The following UGT1A7 variants were observed in gnomAD, a reference collection of about 807,000 sequenced individuals.
UGT1A7 encodes the protein UDP glucuronosyltransferase family 1 member A7, also known as UDP-glucuronosyltransferase 1A7.
In UGT1A7, 33 loss-of-function variants were observed where a neutral mutation model predicts 45.6. The ratio of observed to expected loss-of-function variants is 0.72; its 90% confidence interval spans 0.55 to 0.97. The LOEUF (loss-of-function observed/expected upper bound fraction) is 0.97. Ranked by LOEUF, UGT1A7 falls within the 50% of genes least tolerant of loss-of-function variation. The probability of loss-of-function intolerance (pLI) is 0.00; values close to 1 mark genes in which losing one functional copy is unlikely to be tolerated. For synonymous variants in UGT1A7, 274 were observed against 250.6 expected (o/e 1.09, Z -0.88); for missense variants, 684 against 666.2 (o/e 1.03, Z -0.29).
At chr2:233,752,418 C>G (rs969012523) in intron 1 of UGT1A7, 2 of 152,110 alleles carry the variant, frequency 1.3e-5, no homozygotes, top group African/African-American at 2.4e-5. Context: ...TTCTGAAAAC[C>G]TGATTTATCG....
chr2:233,729,959 G>A (rs1416622482), intron 1 of UGT1A7: 13 of 1,613,900 alleles, frequency 8.1e-6, no homozygotes, highest in East Asian at 2.2e-5. Flanking sequence ...TTCATTGGGG[G>A]CATCAACTGT....
Position 233,772,442 on chromosome 2 carries a change from C to T in UGT1A7, c.1476C>T (p.Leu492=), listed in dbSNP as rs1249728637. The T allele has an allele frequency of 1.2e-6, 2 of 1,614,208 alleles. No individual in the cohort carries two copies. Among genetic ancestry groups the T allele is most frequent in the Admixed American group, 3.3e-5 (2 of 60,020 alleles). ...ATTCCTTGGACGTGATTGGTTTCCTCTTGGCCGTCGTGCTGACAGTGGCCT... is the reference window on the plus strand; with the variant it reads ...ATTCCTTGGACGTGATTGGTTTCCTTTTGGCCGTCGTGCTGACAGTGGCCT... ...QYHSLDVIGF[L]LAVVLTVAFI... Residue 492 remains leucine, a synonymous_variant, in exon 5 of 5, where the codon CTC becomes CTT. Coordinates refer to ENST00000373426, the MANE Select transcript of UGT1A7 (RefSeq NM_019077.3).
intron 1 of UGT1A7, chr2:233,690,424 A>G: frequency 4.8e-6 from 6 of 1,244,126 alleles, no homozygotes; most frequent in Non-Finnish European, 6.3e-6. Flanking sequence ...ACCTTCATGC[A>G]CATCTTTGGG....
At chr2:233,722,463 G>A (rs1258292673) in intron 1 of UGT1A7, among the ~76,000 whole-genome samples, 2 of 152,154 alleles carry the variant, frequency 1.3e-5, no homozygotes, top group Admixed American at 6.5e-5. Flanking sequence ...AATAACTGTG[G>A]AATTTGTATA....
At chr2:233,746,173 T>C (rs1289105015) in intron 1 of UGT1A7, among the ~76,000 whole-genome samples, 1 of 151,822 alleles carries the variant, frequency 6.6e-6, no homozygotes, top group Non-Finnish European at 1.5e-5. Context: ...AAATCTTGCC[T>C]GTAAGGAATA....
chr2:233,706,368 A>G (rs970049717), intron 1 of UGT1A7, among the ~76,000 whole-genome samples: 7 of 152,312 alleles, frequency 4.6e-5, no homozygotes, highest in Middle Eastern at 3.4e-3. Context: ...AATTTAGGCC[A>G]TTGTACAAAA....
chr2:233,751,386 C>T (rs1694713563), intron 1 of UGT1A7, among the ~76,000 whole-genome samples: 1 of 152,086 alleles, frequency 6.6e-6, no homozygotes, highest in African/African-American at 2.4e-5. Flanking sequence ...TGCCTTGTCT[C>T]AGATAAGACT....
At position 233,747,349 on chromosome 2, in the gene UGT1A7, A is replaced by C. The variant is rs546536456; in HGVS notation, c.856-19685A>C. ...TGGCAGCCACTGGCTCGCATGCGGG[A>C]GGCCGTGCGGGAGCTCCATGCCAGA... On this transcript the variant is annotated intron_variant, in intron 1 of 4. Transcript: ENST00000373426. The C allele has an allele frequency of 4.2e-5, 68 of 1,603,008 alleles. 1 individual carries two copies. The South Asian group carries it at 6.8e-4, about 16-fold the overall frequency.
At position 233,713,557 on chromosome 2, in the gene UGT1A7, A is replaced by G. The variant is rs1233820517; in HGVS notation, c.855+30765A>G. 4 of 1,613,816 alleles carry G rather than the reference A, an allele frequency of 2.5e-6. No individual in the cohort carries two copies. The highest frequency in any genetic ancestry group is 2.2e-5 in the East Asian group (1 of 44,890). ...GACTTTAAGGGCACACAGTGTCCAA[A>G]CCCTTCCTCCTATATTCCTAGATTA... On this transcript the variant is annotated intron_variant, in intron 1 of 4. Transcript: ENST00000373426.
At chr2:233,710,997 T>C (rs1288211350) in intron 1 of UGT1A7, among the ~76,000 whole-genome samples, 1 of 152,218 alleles carries the variant, frequency 6.6e-6, no homozygotes, top group Non-Finnish European at 1.5e-5. Context: ...ATCAGGCTAT[T>C]GGATGCCTTT....
At chr2:233,698,872 C>T (rs1453450954) in intron 1 of UGT1A7, among the ~76,000 whole-genome samples, 1 of 152,262 alleles carries the variant, frequency 6.6e-6, no homozygotes, top group Non-Finnish European at 1.5e-5. Flanking sequence ...GACTTTGCGA[C>T]TTTGACCAAA....
chr2:233,692,797 C>G (rs925616937), intron 1 of UGT1A7: 2 of 1,378,304 alleles, frequency 1.5e-6, no homozygotes, highest in African/African-American at 1.5e-5. Flanking sequence ...AAAGCTGACA[C>G]GGCCATAGTT....
intron 1 of UGT1A7, among the ~76,000 whole-genome samples, chr2:233,684,532 A>G (rs1001886486): frequency 6.6e-6 from 1 of 152,196 alleles, no homozygotes. Context: ...ATGATTCTAT[A>G]CCACCTATAA....
At position 233,768,395 on chromosome 2, in the gene UGT1A7, T is replaced by A; in HGVS notation, c.1251T>A (p.Ser417=). 1 of 1,614,130 alleles carries A rather than the reference T, an allele frequency of 6.2e-7. No individual in the cohort carries two copies. Among genetic ancestry groups the A allele is most frequent in the Non-Finnish European group, 8.5e-7 (1 of 1,180,032 alleles). Residue 417 remains serine, a synonymous_variant, in exon 4 of 5, where the codon TCT becomes TCA. Coordinates refer to ENST00000373426, the MANE Select transcript of UGT1A7 (RefSeq NM_019077.3). The part of the protein sequence containing the change: ...GVTLNVLEMT[S]EDLENALKAV... ...CCCTGAATGTTCTGGAAATGACTTC[T>A]GAAGATTTAGAAAATGCTCTAAAAG... is the stretch of plus-strand genomic sequence containing the variant.
chr2:233,713,095 C>T (rs2076277605), intron 1 of UGT1A7: 1 of 1,614,166 alleles, frequency 6.2e-7, no homozygotes, highest in Non-Finnish European at 8.5e-7. Flanking sequence ...CTGGTGGTGC[C>T]CACTGATGGC....
intron 2 of UGT1A7, among the ~76,000 whole-genome samples, chr2:233,767,480 G>T (rs1699402121): frequency 6.6e-6 from 1 of 152,144 alleles, no homozygotes; most frequent in South Asian, 2.1e-4. Flanking sequence ...ATATTAAATA[G>T]AAGTATTTCT....
rs548037824 is a variant in UGT1A7, at chr2:233,759,409, G to A, written c.856-7625G>A. ...ACTCAGAGTAACCGTGTGACCTGTAGTAAGCAAAGGGCCAGTTGGCTCTAT... is the reference window on the plus strand; with the variant it reads ...ACTCAGAGTAACCGTGTGACCTGTAATAAGCAAAGGGCCAGTTGGCTCTAT... On this transcript the variant is annotated intron_variant, in intron 1 of 4. Transcript: ENST00000373426. 7.2e-5 allele frequency among the ~76,000 whole-genome samples: 11 copies of A among 152,280 alleles called. 1 individual carries two copies. The South Asian group carries it at 2.3e-3, about 32-fold the overall frequency.
chr2:233,755,298 C>A, intron 1 of UGT1A7: 1 of 620,154 alleles, frequency 1.6e-6, no homozygotes. Flanking sequence ...CTGCGGGGCA[C>A]TGGCACAGCG....
chr2:233,683,353 T>C (rs2074630089), intron 1 of UGT1A7, among the ~76,000 whole-genome samples: 1 of 152,192 alleles, frequency 6.6e-6, no homozygotes, highest in South Asian at 2.1e-4. Context: ...AGTCTTTACT[T>C]TGGATGCAAT....
Sources: gnomAD v4.1 joint callset for allele counts (sites outside exome capture counted in the v4.1 genomes callset) on GRCh38, gnomAD v4.1.1 for gene constraint, MANE v1.5 for transcripts, NCBI Gene and HGNC (gene_info 2026-07-23, HGNC 2026-07-21) for gene names.